The following FAM234A variants were observed in gnomAD, a reference collection of about 807,000 sequenced individuals.
FAM234A encodes family with sequence similarity 234 member A, also known as protein FAM234A.
In FAM234A, 42 loss-of-function variants were observed where a neutral mutation model predicts 49.1. The observed-to-expected ratio is 0.86, with a 90% confidence interval of 0.67 to 1.11. FAM234A has a LOEUF of 1.11. Ranked by LOEUF, FAM234A falls within the 50% of genes least tolerant of loss-of-function variation. FAM234A has a pLI of 0.00. For missense variants in FAM234A, 815 were observed against 745.2 expected, an observed-to-expected ratio of 1.09 and a Z score of -1.09; for synonymous variants, 369 against 316.2, an observed-to-expected ratio of 1.17 and a Z score of -1.77.
At chr16:260,778 G>A (rs1265475043) in intron 5 of FAM234A, 1 of 387,910 alleles carries the variant, frequency 2.6e-6, no homozygotes, top group African/African-American at 2.1e-5. Flanking sequence ...ATAAAGAGCA[G>A]GCTGAAAATA....
Position 254,590 on chromosome 16 carries a change from C to T in FAM234A, c.177C>T (p.Cys59=), listed in dbSNP as rs1353136948. 1.3e-6 allele frequency: 2 copies of T among 1,599,034 alleles called. No homozygotes were observed. The highest frequency in any genetic ancestry group is 3.4e-5 in the Admixed American group (2 of 59,664). The change falls in exon 3 of 13, where the codon TGC becomes TGT. Residue 59 remains cysteine (C), a synonymous_variant. Transcript: ENST00000399932. ...AAAFFLSLFL[C]LFVVFVVSFV... ...CGTTTTTTCTTTCATTGTTTCTCTGCCTTTTTGTGGTGTTCGTCGTCTCAT... is the reference window on the plus strand; with the variant it reads ...CGTTTTTTCTTTCATTGTTTCTCTGTCTTTTTGTGGTGTTCGTCGTCTCAT...
intron 10 of FAM234A, 101 bp from the exon 11 acceptor site, chr16:263,915 C>A: frequency 6.9e-7 from 1 of 1,451,758 alleles, no homozygotes; most frequent in Non-Finnish European, 9.6e-7. Flanking sequence ...GAGCATCTGC[C>A]TCCAGGGCTG....
chr16:241,779 T>A (rs2050624678), intron 1 of FAM234A, among the ~76,000 whole-genome samples: 1 of 149,624 alleles, frequency 6.7e-6, no homozygotes, highest in South Asian at 2.1e-4. Flanking sequence ...TAGCCGGGCT[T>A]GGTGGCGGGC....
chr16:262,925 T>C (rs2051533294), intron 8 of FAM234A, among the ~76,000 whole-genome samples: 1 of 151,570 alleles, frequency 6.6e-6, no homozygotes, highest in Non-Finnish European at 1.5e-5. Context: ...GTTCAAGTGA[T>C]TCTCCTGCCC....
chr16:268,742 C>T, downstream of FAM234A: 2 of 1,542,634 alleles, frequency 1.3e-6, no homozygotes, highest in Non-Finnish European at 8.8e-7. Flanking sequence ...CTCGAGGCAG[C>T]CTCAGCACGG....
At chr16:251,662 C>T (rs1596793435) in intron 2 of FAM234A, among the ~76,000 whole-genome samples, 1 of 150,100 alleles carries the variant, frequency 6.7e-6, no homozygotes, top group Non-Finnish European at 1.5e-5. Context: ...CAGGCATAAG[C>T]CACCATGCCT....
downstream of FAM234A, chr16:269,380 C>T (rs763597919): frequency 8.1e-6 from 13 of 1,601,240 alleles, no homozygotes; most frequent in Middle Eastern, 3.3e-4. Context: ...TAAACGGGAA[C>T]ACGCTGTGGG....
At chr16:251,063 T>C (rs940112116) in intron 2 of FAM234A, among the ~76,000 whole-genome samples, 5 of 152,292 alleles carry the variant, frequency 3.3e-5, no homozygotes, top group African/African-American at 1.2e-4. Flanking sequence ...TTCAAGCGAT[T>C]CTCCTGCCTC....
At chr16:245,218 A>G (rs1308427635) in intron 1 of FAM234A, among the ~76,000 whole-genome samples, 1 of 151,988 alleles carries the variant, frequency 6.6e-6, no homozygotes, top group African/African-American at 2.4e-5. Flanking sequence ...GCGGTGATGC[A>G]CACCTGTGGT....
At chr16:238,157 T>G (rs1423069993) in intron 1 of FAM234A, among the ~76,000 whole-genome samples, 1 of 152,174 alleles carries the variant, frequency 6.6e-6, no homozygotes, top group African/African-American at 2.4e-5. Flanking sequence ...TAGCTGAGAT[T>G]ACAGGTGTGC....
chr16:238,939 G>A (rs1159006919), intron 1 of FAM234A, among the ~76,000 whole-genome samples: 3 of 142,696 alleles, frequency 2.1e-5, no homozygotes, highest in South Asian at 4.6e-4. Flanking sequence ...AAAATTAGCC[G>A]GGTGTCATGG....
intron 1 of FAM234A, among the ~76,000 whole-genome samples, chr16:237,883 T>C (rs1376801350): frequency 6.6e-6 from 1 of 151,946 alleles, no homozygotes; most frequent in Non-Finnish European, 1.5e-5. Context: ...TTTTTATTTT[T>C]AGTAAAGACG....
At chr16:238,781 A>AG (rs1284628536) in intron 1 of FAM234A, among the ~76,000 whole-genome samples, 81 of 137,320 alleles carry the variant, frequency 5.9e-4, no homozygotes, top group Admixed American at 1.4e-3. Context: ...AAAAAAAAAA[A>AG]AAAAAGAAAA....
chr16:257,034 G>A (rs185228407), intron 3 of FAM234A, among the ~76,000 whole-genome samples: 18 of 151,722 alleles, frequency 1.2e-4, no homozygotes, highest in African/African-American at 3.9e-4. Context: ...GTGCCACCAC[G>A]CTTGGCCGTA....
At chr16:247,711 G>A (rs1171670472) in intron 1 of FAM234A, among the ~76,000 whole-genome samples, 1 of 152,096 alleles carries the variant, frequency 6.6e-6, no homozygotes, top group African/African-American at 2.4e-5. Context: ...GGGATTATAG[G>A]CGTGAGCCAC....
In FAM234A at chr16:263,174, C is replaced by T. The variant is rs570015609; in HGVS notation, c.972-88C>T. On this transcript the variant is annotated intron_variant, in intron 8 of 12. Coordinates refer to ENST00000399932, the MANE Select transcript of FAM234A (RefSeq NM_032039.4). ...GGGTTATGGGGGCCTAAGAGGAGCA[C>T]CCTGAGACGGGCGGTGCCAGAGCCT... The T allele has an allele frequency of 3.4e-5, 51 of 1,510,718 alleles. No individual in the cohort carries two copies. The African/African-American group carries it at 6.0e-4, about 18-fold the overall frequency. The allele number at this position is 1,510,718 out of a possible 1,614,324, so 93.6% of individuals were successfully genotyped here.
At chr16:239,208 G>C in intron 1 of FAM234A, among the ~76,000 whole-genome samples, 1 of 135,964 alleles carries the variant, frequency 7.4e-6, no homozygotes, top group Non-Finnish European at 1.6e-5. Context: ...GATGAGGCAG[G>C]AGAATCGCTT....
At chr16:269,554 A>T (rs142042302), downstream of FAM234A, 1 of 1,613,394 alleles carries the variant, frequency 6.2e-7, no homozygotes. Context: ...GGCCTTGTAC[A>T]TGTCAGACTT....
chr16:265,634 T>G lies in FAM234A; in HGVS notation c.*612T>G. On this transcript the variant is annotated 3_prime_UTR_variant, in exon 13 of 13. Transcript: ENST00000399932. ...GTGTGACTTGGTTCCTTTGACCAGG[T>G]CCTGTGAGGAAGCCTGGAGCAAGGG... The G allele has an allele frequency of 2.0e-6, 2 of 985,430 alleles. No individual in the cohort carries two copies. Among genetic ancestry groups the G allele is most frequent in the Non-Finnish European group, 2.4e-6 (2 of 830,048 alleles). 61.0% of individuals were successfully genotyped at this position (985,430 alleles called of 1,614,324 possible).
Sources: gnomAD v4.1 joint callset for allele counts (sites outside exome capture counted in the v4.1 genomes callset) on GRCh38, gnomAD v4.1.1 for gene constraint, MANE v1.5 for transcripts, NCBI Gene and HGNC (gene_info 2026-07-23, HGNC 2026-07-21) for gene names.